VCPKMT: variants seen among roughly 807,000 people sequenced by gnomAD.
VCPKMT encodes valosin containing protein lysine methyltransferase.
A neutral mutation model predicts 28.6 loss-of-function variants in VCPKMT; 32 were observed. That is an observed-to-expected ratio of 1.12 (90% CI 0.84 to 1.50). The LOEUF is 1.50. Among genes scored for constraint, VCPKMT ranks in the 40% most tolerant of loss-of-function variants. The pLI is 0.00. For missense variants in VCPKMT, 366 were observed against 285.0 expected (o/e 1.28, Z -2.05); for synonymous variants, 138 against 111.4 (o/e 1.24, Z -1.50).
downstream of VCPKMT, among the ~76,000 whole-genome samples, chr14:50,108,191 C>CAAAAAA (rs11455635): frequency 3.3e-4 from 35 of 107,024 alleles, no homozygotes; most frequent in African/African-American, 6.3e-4. Flanking sequence ...AACCCTGTCT[C>CAAAAAA]AAAAAAAAAA....
chr14:50,105,266 A>T (rs565132274), downstream of VCPKMT, among the ~76,000 whole-genome samples: 2 of 152,352 alleles, frequency 1.3e-5, no homozygotes, highest in Non-Finnish European at 1.5e-5. Context: ...CAAGAAAGGT[A>T]AGAAAAAATT....
chr14:50,115,373 A>G (rs1009490187), intron 3 of VCPKMT, among the ~76,000 whole-genome samples: 2 of 152,150 alleles, frequency 1.3e-5, no homozygotes, highest in African/African-American at 4.8e-5. Context: ...GCTGGTCTCG[A>G]ACTCCCGACC....
At chr14:50,112,391 A>G (rs1882736830) in intron 5 of VCPKMT, among the ~76,000 whole-genome samples, 2 of 116,354 alleles carry the variant, frequency 1.7e-5, no homozygotes, top group African/African-American at 6.7e-5. Flanking sequence ...CTTAAAAAAT[A>G]CGAGAAAAAA....
At position 50,109,220 on chromosome 14, in the gene VCPKMT, T is replaced by C. The variant is rs1260353301; in HGVS notation, c.*479A>G. The C allele has an allele frequency of 6.7e-6, 6 of 894,336 alleles. No individual in the cohort carries two copies. Among genetic ancestry groups the C allele is most frequent in the Non-Finnish European group, 6.7e-6 (5 of 746,764 alleles). The allele number at this position is 894,336 out of a possible 1,614,324, so 55.4% of individuals were successfully genotyped here. ...AAAGAAATGAAGTGGAAAATACAAATGATAAATATTGTATAATTATGTACA... is the reference window on the plus strand; with the variant it reads ...AAAGAAATGAAGTGGAAAATACAAACGATAAATATTGTATAATTATGTACA... On this transcript the variant is annotated 3_prime_UTR_variant, in exon 6 of 6. Transcript: ENST00000395860.
intron 5 of VCPKMT, chr14:50,112,094 A>C: frequency 2.0e-6 from 2 of 982,514 alleles, no homozygotes; most frequent in Non-Finnish European, 2.4e-6. Flanking sequence ...TCCTGTAAAC[A>C]ATTTTTAATA....
intron 5 of VCPKMT, chr14:50,111,072 T>C: frequency 1.5e-6 from 1 of 670,390 alleles, no homozygotes. Flanking sequence ...AGTGGTAATT[T>C]ACACAACTAT....
In VCPKMT at chr14:50,108,674, C is replaced by G. The variant is rs188325493; in HGVS notation, c.*1025G>C. On this transcript the variant is annotated 3_prime_UTR_variant, in exon 6 of 6. Coordinates refer to ENST00000395860, the MANE Select transcript of VCPKMT (RefSeq NM_024558.3). Reference sequence around the variant, plus strand: ...TGTTTATTTTAACACATAAAATGTACCATCTAGCACCAATGCCTATAAATA... The same window carrying G: ...TGTTTATTTTAACACATAAAATGTAGCATCTAGCACCAATGCCTATAAATA... 1.0e-6 allele frequency: 1 copy of G among 985,798 alleles called. No homozygotes were observed. Among genetic ancestry groups the G allele is most frequent in the East Asian group, 1.1e-4 (1 of 8,818 alleles). 61.1% of individuals were successfully genotyped at this position (985,798 alleles called of 1,614,324 possible).
At chr14:50,103,499 G>A in the VCPKMT span, among the ~76,000 whole-genome samples, 1 of 152,120 alleles carries the variant, frequency 6.6e-6, no homozygotes, top group Non-Finnish European at 1.5e-5. Flanking sequence ...GCAAAGAACC[G>A]TGGAAGGAGG....
chr14:50,107,150 T>C (rs190601200), downstream of VCPKMT, among the ~76,000 whole-genome samples: 39 of 152,348 alleles, frequency 2.6e-4, no homozygotes, highest in East Asian at 6.9e-3. Context: ...CCCAGCTGTC[T>C]GTGGAATAGT....
chr14:50,111,171 T>TA (rs1039935966), intron 5 of VCPKMT: 16 of 906,970 alleles, frequency 1.8e-5, no homozygotes, highest in Non-Finnish European at 2.0e-5. Context: ...ATAAGAGTTT[T>TA]TTTTTTTGGC....
At chr14:50,107,775 C>T (rs922182462), downstream of VCPKMT, among the ~76,000 whole-genome samples, 11 of 152,002 alleles carry the variant, frequency 7.2e-5, no homozygotes, top group South Asian at 2.1e-4. Context: ...GCACAGAGGC[C>T]GACTTCAGCC....
At position 50,116,558 on chromosome 14, in the gene VCPKMT, C is replaced by T. The variant is rs769816108; in HGVS notation, c.-6G>A. 6.3e-7 allele frequency: 1 copy of T among 1,599,734 alleles called. No homozygotes were observed. On this transcript the variant is annotated 5_prime_UTR_variant, in exon 1 of 6. Transcript: ENST00000395860. The stretch of plus-strand genomic sequence containing the variant: ...GACTCCAGCGTATCCGCCATTGCGC[C>T]CGGCAACAGAAAGCGGCGCGCGCAG...
In VCPKMT at chr14:50,114,374, C is replaced by G; in HGVS notation, c.481G>C (p.Asp161His). Residue 161 changes from aspartate (D) to histidine (H), a missense_variant, in exon 4 of 6, where the codon GAT (aspartate) becomes CAT (histidine). Coordinates refer to ENST00000395860, the MANE Select transcript of VCPKMT (RefSeq NM_024558.3). ...ATACAAGTTTCAAATCCGCTGATAT[C>G]TTTTAGAGTTTTCAGCAATGGCTCC... ...SLEPLLKTLK[D>H]ISGFETCIIC... 6.4e-7 allele frequency: 1 copy of G among 1,570,070 alleles called. No homozygotes were observed. The highest frequency in any genetic ancestry group is 8.6e-7 in the Non-Finnish European group (1 of 1,161,716).
At chr14:50,108,446 G>A (rs1268656128), downstream of VCPKMT, among the ~76,000 whole-genome samples, 1 of 152,186 alleles carries the variant, frequency 6.6e-6, no homozygotes, top group African/African-American at 2.4e-5. Context: ...GCTAAGGACA[G>A]TATGAACAAA....
intron 4 of VCPKMT, chr14:50,113,250 A>AC (rs1216181630): frequency 6.6e-6 from 1 of 152,226 alleles, no homozygotes; most frequent in Non-Finnish European, 1.5e-5. Context: ...CATATGCTTT[A>AC]CCCCAATAAA....
At chr14:50,107,642 G>A (rs1882377734), downstream of VCPKMT, among the ~76,000 whole-genome samples, 1 of 152,102 alleles carries the variant, frequency 6.6e-6, no homozygotes, top group African/African-American at 2.4e-5. Flanking sequence ...TCAGTACTTA[G>A]GTGAGTTCTC....
At chr14:50,108,493 T>G, downstream of VCPKMT, 1 of 651,556 alleles carries the variant, frequency 1.5e-6, no homozygotes, top group Non-Finnish European at 1.9e-6. Flanking sequence ...AAGGAAACTT[T>G]TAAGACTGAA....
chr14:50,106,005 G>A (rs1384249106), downstream of VCPKMT, among the ~76,000 whole-genome samples: 3 of 152,224 alleles, frequency 2.0e-5, no homozygotes, highest in Admixed American at 1.3e-4. Flanking sequence ...TATGTACTAG[G>A]GGCCCACTCT....
At position 50,116,543 on chromosome 14, in the gene VCPKMT, T is replaced by C. The variant is rs1348386023; in HGVS notation, c.10A>G (p.Thr4Ala). The change falls in exon 1 of 6, where the codon ACG (threonine) becomes GCG (alanine). Residue 4 changes from threonine to alanine, a missense_variant. Thr to Ala is a moderately conservative substitution (Grantham distance 58, BLOSUM62 0). Transcript: ENST00000395860. ...GGGTCCTCCAGCGAGGACTCCAGCG[T>C]ATCCGCCATTGCGCCCGGCAACAGA... MAD[T>A]LESSLEDPLR... 1.9e-6 allele frequency: 3 copies of C among 1,606,526 alleles called. No homozygotes were observed. The highest frequency in any genetic ancestry group is 2.6e-6 in the Non-Finnish European group (3 of 1,175,342).
Sources: gnomAD v4.1 joint callset for allele counts (sites outside exome capture counted in the v4.1 genomes callset) on GRCh38, gnomAD v4.1.1 for gene constraint, MANE v1.5 for transcripts, NCBI Gene and HGNC (gene_info 2026-07-23, HGNC 2026-07-21) for gene names.